Variants in PRH1 observed in about 807,000 individuals in gnomAD.
PRH1 encodes the protein salivary acidic proline-rich phosphoprotein 1/2.
In PRH1, 7 loss-of-function variants were observed where a neutral mutation model predicts 7.9. The ratio of observed to expected loss-of-function variants is 0.89; its 90% CI spans 0.50 to 1.67. The LOEUF is 1.67. PRH1 is among the 40% of genes most tolerant of loss of function. The probability of loss-of-function intolerance (pLI) is 0.00; values close to 1 mark genes in which losing one functional copy is unlikely to be tolerated. For missense variants in PRH1, 109 were observed against 223.6 expected, an observed-to-expected ratio of 0.49 and a Z score of 3.27; for synonymous variants, 45 against 80.8, an observed-to-expected ratio of 0.56 and a Z score of 2.38.
chr12:11,012,364 G>A (rs1019754059), intron 1 of PRH1, among the ~76,000 whole-genome samples: 1 of 152,002 alleles, frequency 6.6e-6, no homozygotes, highest in Non-Finnish European at 1.5e-5. Context: ...TCCATTTTAC[G>A]AATTCTCTCT....
intron 1 of PRH1, among the ~76,000 whole-genome samples, chr12:11,019,380 C>T (rs1565555692): frequency 6.6e-6 from 1 of 152,272 alleles, no homozygotes; most frequent in Non-Finnish European, 1.5e-5. Context: ...CACATTTACC[C>T]CTCATTGCTG....
chr12:11,090,623 T>G (rs1488251909), intron 1 of PRH1, among the ~76,000 whole-genome samples: 2 of 117,652 alleles, frequency 1.7e-5, no homozygotes, highest in African/African-American at 5.7e-5. Context: ...TATTCCTCAG[T>G]ACCGCTTATG....
At chr12:10,931,004 G>A (rs1950202176) in intron 2 of PRH1, 3 of 1,595,188 alleles carry the variant, frequency 1.9e-6, no homozygotes, top group Non-Finnish European at 2.6e-6. Flanking sequence ...AAGCCCCAGG[G>A]ACCACCTCCC....
At chr12:10,997,915 T>C in intron 1 of PRH1, 1 of 1,367,710 alleles carries the variant, frequency 7.3e-7, no homozygotes, top group Non-Finnish European at 1.0e-6. Context: ...AGGCCTAATG[T>C]CACTGATGGT....
At chr12:11,107,633 G>A (rs946627675) in intron 1 of PRH1, among the ~76,000 whole-genome samples, 1 of 152,222 alleles carries the variant, frequency 6.6e-6, no homozygotes, top group African/African-American at 2.4e-5. Context: ...TACACTTTCT[G>A]ATTTCAAAGC....
chr12:10,903,089 A>G (rs920276236), intron 2 of PRH1, among the ~76,000 whole-genome samples: 3 of 152,200 alleles, frequency 2.0e-5, no homozygotes, highest in Admixed American at 6.5e-5. Context: ...AACAAAAGTC[A>G]TCGGTCTGCT....
chr12:11,028,516 C>T (rs1942029070), intron 1 of PRH1, among the ~76,000 whole-genome samples: 1 of 152,270 alleles, frequency 6.6e-6, no homozygotes, highest in Non-Finnish European at 1.5e-5. Context: ...AACTTGACTT[C>T]TAAATAAATG....
At chr12:11,133,221 C>T in intron 1 of PRH1, 2 of 1,531,326 alleles carry the variant, frequency 1.3e-6, no homozygotes, top group Non-Finnish European at 8.7e-7. Context: ...TATTCATATA[C>T]ATATATTACA....
Position 11,084,090 on chromosome 12 carries a change from G to C in PRH1, n.124-36902C>G, listed in dbSNP as rs1442158817. 3.0e-5 allele frequency among the ~76,000 whole-genome samples: 4 copies of C among 133,520 alleles called. 2 individuals carry two copies. The highest frequency in any genetic ancestry group is 1.1e-4 in the African/African-American group (4 of 37,668). 87.6% of individuals were successfully genotyped at this position (133,520 alleles called of 152,430 possible). A position where few individuals can be genotyped will look rare whatever the true frequency, so the allele number is the denominator to read the frequency against. On this transcript the variant is annotated intron_variant and non_coding_transcript_variant, in intron 1 of 4. Transcript: ENST00000541977. The stretch of plus-strand genomic sequence containing the variant: ...GTCTTAGCCAATCAGGATCAGTTTA[G>C]ATAGCACGGTCCAACCCCAGCCAAC...
intron 1 of PRH1, among the ~76,000 whole-genome samples, chr12:11,085,615 G>C (rs1397714555): frequency 1.7e-5 from 2 of 115,984 alleles, no homozygotes; most frequent in African/African-American, 5.8e-5. Context: ...TATTGAATGA[G>C]TTCAGGGCTG....
intron 2 of PRH1, among the ~76,000 whole-genome samples, chr12:10,964,110 A>C (rs1157966968): frequency 6.6e-6 from 1 of 152,244 alleles, no homozygotes; most frequent in Non-Finnish European, 1.5e-5. Flanking sequence ...ATGAAACATG[A>C]TAATATGAAC....
upstream of PRH1, among the ~76,000 whole-genome samples, chr12:11,049,569 C>T (rs973328036): frequency 6.6e-6 from 1 of 152,192 alleles, no homozygotes. Flanking sequence ...AGTAAATTCT[C>T]ATGTGTTAGT....
rs139253542 is a variant in PRH1 at position 10,922,825 on chromosome 12, C to CTTTTTT, written c.-58-38551_-58-38550insAAAAAA. On this transcript the variant is annotated intron_variant, in intron 2 of 3. Coordinates refer to the PRH1 transcript ENST00000539853. ...ATTGCATCTTTTCCATGAATTTTTT[C>CTTTTTT]TTTTTCTTTTTTTTGAGACGGAGTC... 1.5e-4 allele frequency among the ~76,000 whole-genome samples: 17 copies of CTTTTTT among 113,572 alleles called. 6 individuals carry two copies. Among genetic ancestry groups the CTTTTTT allele is most frequent in the Admixed American group, 4.6e-4 (4 of 8,724 alleles). The allele number at this position is 113,572 out of a possible 152,430, so 74.5% of individuals were successfully genotyped here.
At chr12:11,012,376 C>T (rs924096576) in intron 1 of PRH1, among the ~76,000 whole-genome samples, 2 of 152,090 alleles carry the variant, frequency 1.3e-5, no homozygotes, top group African/African-American at 2.4e-5. Flanking sequence ...ATTCTCTCTA[C>T]CTCAGTATAA....
chr12:11,171,345 G>C, intron 1 of PRH1: 2 of 1,231,238 alleles, frequency 1.6e-6, no homozygotes, highest in South Asian at 8.2e-5. Context: ...GGCGGGCGGC[G>C]ACACCTGGCT....
At chr12:11,170,307 G>A (rs749824299) in intron 1 of PRH1, among the ~76,000 whole-genome samples, 26 of 152,222 alleles carry the variant, frequency 1.7e-4, no homozygotes, top group Non-Finnish European at 3.1e-4. Flanking sequence ...AGCACTTTGG[G>A]AGGCTGAGGC....
In PRH1 at chr12:10,999,553, A is replaced by C. The variant is rs1356775270; in HGVS notation, c.-125-25832T>G. 6.6e-5 allele frequency among the ~76,000 whole-genome samples: 10 copies of C among 152,170 alleles called. 1 individual carries two copies. Among genetic ancestry groups the C allele is most frequent in the African/African-American group, 2.4e-4 (10 of 41,442 alleles). On this transcript the variant is annotated intron_variant, in intron 1 of 3. Transcript: ENST00000539853. ...ATAATGCACACTTAGAAATGGGCCA[A>C]AACAAAAATAGGTAAGAGCAATGTA...
In PRH1 at chr12:11,121,081, GTA is replaced by G. The variant is rs1945886644; in HGVS notation, n.137_138del. On this transcript the variant is annotated non_coding_transcript_exon_variant, in exon 2 of 2. Coordinates refer to the PRH1 transcript ENST00000541175. ...CCTTCATGATGTGTTTTAGTAAACTGTATGTCTCAGAACTGACACAGAAGAAG... is the reference window on the plus strand; with the variant it reads ...CCTTCATGATGTGTTTTAGTAAACTGTGTCTCAGAACTGACACAGAAGAAG... 3 of 153,212 alleles carry G rather than the reference GTA, an allele frequency of 2.0e-5. No homozygotes were observed. In the Admixed American group the frequency reaches 2.0e-4, roughly 10 times the overall value. The allele number at this position is 153,212 out of a possible 1,614,324, so 9.5% of individuals were successfully genotyped here.
At chr12:11,020,363 G>GATATATCTATATATATATCTATATATAT (rs1941545453) in intron 1 of PRH1, among the ~76,000 whole-genome samples, 1 of 87,584 alleles carries the variant, frequency 1.1e-5, no homozygotes, top group Non-Finnish European at 2.3e-5. Context: ...TATGATAAGC[G>GATATATCTATATATATATCTATATATAT]ATATATATAT....
Sources: allele counts gnomAD v4.1 joint callset (sites outside exome capture counted in the v4.1 genomes callset), GRCh38; gene constraint gnomAD v4.1.1; transcripts MANE v1.5; gene names NCBI Gene and HGNC (gene_info 2026-07-23, HGNC 2026-07-21).